The following TAFA4 variants were observed in gnomAD, a reference collection of about 807,000 sequenced individuals.
TAFA4 encodes the protein chemokine-like protein TAFA-4.
TAFA4 carries 20 observed loss-of-function variants against 21.1 expected under a neutral mutation model. The observed-to-expected ratio is 0.95, with a 90% CI of 0.67 to 1.38. The LOEUF is 1.38. Among genes scored for constraint, TAFA4 ranks in the 40% most tolerant of loss-of-function variants. The pLI, the probability that TAFA4 is intolerant of heterozygous loss-of-function variation, is 0.00. For missense variants in TAFA4, 211 were observed against 180.9 expected (o/e 1.17, Z -0.95); for synonymous variants, 71 against 67.4 (o/e 1.05, Z -0.26).
intron 1 of TAFA4, among the ~76,000 whole-genome samples, chr3:68,925,783 G>A (rs2090102020): frequency 6.6e-6 from 1 of 152,168 alleles, no homozygotes; most frequent in Non-Finnish European, 1.5e-5. Flanking sequence ...TGGGTCTCAT[G>A]TAAAATGATC....
At chr3:68,813,973 C>G (rs1347080324) in intron 3 of TAFA4, among the ~76,000 whole-genome samples, 1 of 152,194 alleles carries the variant, frequency 6.6e-6, no homozygotes, top group Non-Finnish European at 1.5e-5. Context: ...CCACCATGAT[C>G]AAGTTGGCTT....
intron 3 of TAFA4, among the ~76,000 whole-genome samples, chr3:68,838,002 TATC>T (rs1393579175): frequency 3.3e-5 from 5 of 152,152 alleles, no homozygotes; most frequent in Non-Finnish European, 7.3e-5. Context: ...CTCACATACT[TATC>T]ATTTTGTGAT....
At chr3:68,802,905 G>A (rs1258812823) in intron 3 of TAFA4, among the ~76,000 whole-genome samples, 1 of 152,196 alleles carries the variant, frequency 6.6e-6, no homozygotes, top group East Asian at 1.9e-4. Context: ...AGAACTTGAA[G>A]TGGAGCTTTG....
chr3:68,742,866 C>G (rs1420401365), intron 4 of TAFA4, among the ~76,000 whole-genome samples: 1 of 152,174 alleles, frequency 6.6e-6, no homozygotes, highest in Non-Finnish European at 1.5e-5. Flanking sequence ...TGCTAGAGCC[C>G]AAGTGCTAAC....
chr3:68,786,200 GGGCACACGT>G (rs1207208351), intron 3 of TAFA4, among the ~76,000 whole-genome samples: 1 of 152,070 alleles, frequency 6.6e-6, no homozygotes, highest in Non-Finnish European at 1.5e-5. Context: ...GAGGACACCA[GGGCACACGT>G]TTATCTATAT....
At chr3:68,883,302 G>A (rs185982513) in intron 2 of TAFA4, among the ~76,000 whole-genome samples, 2 of 152,318 alleles carry the variant, frequency 1.3e-5, no homozygotes, top group African/African-American at 4.8e-5. Context: ...AGCCCTTCAT[G>A]TCTTTGCCAC....
chr3:68,893,245 T>G (rs1264528620), intron 1 of TAFA4, among the ~76,000 whole-genome samples: 1 of 152,206 alleles, frequency 6.6e-6, no homozygotes, highest in Non-Finnish European at 1.5e-5. Context: ...TGAAAAGTTT[T>G]TACATGATAG....
chr3:68,919,328 C>G (rs901263705), intron 1 of TAFA4, among the ~76,000 whole-genome samples: 1 of 152,184 alleles, frequency 6.6e-6, no homozygotes, highest in African/African-American at 2.4e-5. Context: ...AGGAAAATGC[C>G]TGATAAATCT....
intron 4 of TAFA4, among the ~76,000 whole-genome samples, chr3:68,741,569 C>A (rs1489641572): frequency 2.0e-5 from 3 of 151,942 alleles, no homozygotes; most frequent in African/African-American, 7.3e-5. Context: ...TCCAGGCAGG[C>A]AGATCATGAG....
chr3:68,818,235 C>G (rs768864890), intron 3 of TAFA4, among the ~76,000 whole-genome samples: 7 of 152,192 alleles, frequency 4.6e-5, no homozygotes, highest in Non-Finnish European at 8.8e-5. Context: ...AACTTCTCTT[C>G]TGGAGCTTCC....
rs182756749 is a variant in TAFA4, at chr3:68,892,090, G to A, written c.-122-6780C>T. 3.3e-5 allele frequency among the ~76,000 whole-genome samples: 5 copies of A among 152,216 alleles called. No homozygotes were observed. In the East Asian group the frequency reaches 7.7e-4, roughly 24 times the overall value. On this transcript the variant is annotated intron_variant, in intron 1 of 5. Coordinates refer to ENST00000295569, the MANE Select transcript of TAFA4 (RefSeq NM_182522.5). ...AATATATTTCAAGCACCTGATACAC[G>A]GCAGAACCTCCACTGAGCCATCATT...
intron 3 of TAFA4, among the ~76,000 whole-genome samples, chr3:68,869,048 T>C (rs571678773): frequency 7.2e-5 from 11 of 151,960 alleles, no homozygotes; most frequent in Admixed American, 3.3e-4. Flanking sequence ...ACATAACAAC[T>C]GATACCACAG....
At chr3:68,919,483 C>A (rs1350283612) in intron 1 of TAFA4, among the ~76,000 whole-genome samples, 2 of 152,200 alleles carry the variant, frequency 1.3e-5, no homozygotes, top group African/African-American at 4.8e-5. Context: ...TAGTAAATTA[C>A]AATGGCCTTA....
chr3:68,745,168 G>C (rs1353491946), intron 4 of TAFA4, among the ~76,000 whole-genome samples: 1 of 152,156 alleles, frequency 6.6e-6, no homozygotes, highest in Admixed American at 6.5e-5. Context: ...CTGAGGGCTC[G>C]ACCTGACAGA....
At chr3:68,902,766 T>G (rs1559558434) in intron 1 of TAFA4, among the ~76,000 whole-genome samples, 2 of 152,138 alleles carry the variant, frequency 1.3e-5, no homozygotes, top group East Asian at 3.9e-4. Context: ...TGTACATGGG[T>G]ATGAGAAACA....
At chr3:68,780,759 C>A (rs973050372) in intron 3 of TAFA4, among the ~76,000 whole-genome samples, 11 of 152,132 alleles carry the variant, frequency 7.2e-5, no homozygotes, top group Non-Finnish European at 2.9e-5. Context: ...TAAAACTTGA[C>A]TCTCAGTAAT....
At chr3:68,906,448 T>C (rs189820469) in intron 1 of TAFA4, among the ~76,000 whole-genome samples, 2,654 of 152,308 alleles carry the variant, frequency 0.017, 22 homozygotes, top group Non-Finnish European at 0.025. Flanking sequence ...TGTTGAAAAC[T>C]TGTTTACATT....
In TAFA4 at chr3:68,811,672, T is replaced by A. The variant is rs371414374; in HGVS notation, c.131-58654A>T. Among the ~76,000 whole-genome samples, 168 of 152,332 alleles carry A rather than the reference T, an allele frequency of 1.1e-3. 2 individuals are homozygous for A. In the South Asian group the frequency reaches 0.024, roughly 21 times the overall value. The stretch of plus-strand genomic sequence containing the variant: ...AAAGCCTCCAAGAAATATGGGACTA[T>A]GTGAAAAGACCAAATCTATGTCTGA... On this transcript the variant is annotated intron_variant, in intron 3 of 5. Coordinates refer to ENST00000295569, the MANE Select transcript of TAFA4 (RefSeq NM_182522.5).
At chr3:68,807,967 G>T (rs192544706) in intron 3 of TAFA4, among the ~76,000 whole-genome samples, 29 of 152,230 alleles carry the variant, frequency 1.9e-4, no homozygotes, top group African/African-American at 7.0e-4. Context: ...CTTCTTTTGT[G>T]TCTCCCTTAT....
Sources: gnomAD v4.1 joint callset for allele counts (sites outside exome capture counted in the v4.1 genomes callset) on GRCh38, gnomAD v4.1.1 for gene constraint, MANE v1.5 for transcripts, NCBI Gene and HGNC (gene_info 2026-07-23, HGNC 2026-07-21) for gene names.